Variants in DENND1A observed in about 807,000 individuals in gnomAD.
DENND1A encodes DENN domain containing 1A.
Under a neutral mutation model 113.7 loss-of-function variants are expected in DENND1A, and 51 were observed. That is an observed-to-expected ratio of 0.45 (90% CI 0.36 to 0.57). The LOEUF (loss-of-function observed/expected upper bound fraction) is 0.57. DENND1A is among the 20% of genes least tolerant of loss of function. DENND1A has a pLI of 0.00. For missense variants in DENND1A, 1,258 were observed against 1,395.9 expected, an observed-to-expected ratio of 0.90 and a Z score of 1.57; for synonymous variants, 565 against 570.8, an observed-to-expected ratio of 0.99 and a Z score of 0.14.
At chr9:123,435,537 G>T (rs936594269) in intron 19 of DENND1A, among the ~76,000 whole-genome samples, 1 of 152,252 alleles carries the variant, frequency 6.6e-6, no homozygotes, top group East Asian at 1.9e-4. Context: ...AAGAACAGAG[G>T]CAGCACCTTT....
intron 13 of DENND1A, among the ~76,000 whole-genome samples, chr9:123,548,835 C>T (rs573385243): frequency 1.2e-4 from 18 of 152,254 alleles, no homozygotes; most frequent in Non-Finnish European, 2.2e-4. Flanking sequence ...TGAATGATTC[C>T]GCTTCTATGA....
intron 1 of DENND1A, among the ~76,000 whole-genome samples, chr9:123,917,105 A>G (rs1855295334): frequency 1.3e-5 from 2 of 152,030 alleles, no homozygotes; most frequent in African/African-American, 4.8e-5. Flanking sequence ...AATCACTCGA[A>G]CACAGGAGGC....
At chr9:123,735,831 T>C (rs906737437) in intron 5 of DENND1A, among the ~76,000 whole-genome samples, 3 of 152,088 alleles carry the variant, frequency 2.0e-5, no homozygotes, top group Non-Finnish European at 4.4e-5. Context: ...AAACCCTGTC[T>C]CTTCCAAAAA....
At chr9:123,885,345 T>C (rs897162531) in intron 1 of DENND1A, among the ~76,000 whole-genome samples, 1 of 152,218 alleles carries the variant, frequency 6.6e-6, no homozygotes, top group Admixed American at 6.5e-5. Flanking sequence ...CCCACTAGAC[T>C]GGCAGCTCCT....
chr9:123,418,066 T>C (rs1056061455), intron 19 of DENND1A, among the ~76,000 whole-genome samples: 1 of 152,130 alleles, frequency 6.6e-6, no homozygotes, highest in East Asian at 1.9e-4. Flanking sequence ...CTGAGCTCAG[T>C]GGGAGGGATA....
intron 13 of DENND1A, among the ~76,000 whole-genome samples, chr9:123,557,224 T>C (rs1255445091): frequency 6.6e-6 from 1 of 152,192 alleles, no homozygotes; most frequent in Non-Finnish European, 1.5e-5. Context: ...ATTTGTAAAG[T>C]GGAGCTGATC....
At chr9:123,798,193 A>G (rs994353319) in intron 2 of DENND1A, 25 of 152,336 alleles carry the variant, frequency 1.6e-4, no homozygotes, top group African/African-American at 6.0e-4. Flanking sequence ...ACATAGGAAC[A>G]GTTAACCATC....
In DENND1A at chr9:123,381,644, GC is replaced by G; in HGVS notation, c.3000del (p.Leu1001TrpfsTer3). 1 of 1,608,998 alleles carries G rather than the reference GC, an allele frequency of 6.2e-7. No individual in the cohort carries two copies. The highest frequency in any genetic ancestry group is 8.5e-7 in the Non-Finnish European group (1 of 1,178,042). ...GGGGGGTCTCCAGGCCTCAGGGCCA[GC>G]CCCTGCTTGGTCTCAGCAGCCCTGG... ...SSARAAETKQ[G>X]LALRPGDPPL... is the part of the protein sequence containing the mutation. On this transcript the variant is annotated frameshift_variant, in exon 24 of 24. Coordinates refer to ENST00000394215, the MANE Select transcript of DENND1A (RefSeq NM_001352964.2). LOFTEE classifies it high-confidence loss of function. This position sits in a 1 kb window ranked among gnomAD's most constrained non-coding sequence, Gnocchi z 4.7.
chr9:123,711,511 ATG>A (rs1257867372), intron 5 of DENND1A, among the ~76,000 whole-genome samples: 7 of 79,034 alleles, frequency 8.9e-5, no homozygotes, highest in East Asian at 5.0e-4. Context: ...ATATGTATAT[ATG>A]TATATATATA....
At chr9:123,805,935 T>C (rs1835471913) in intron 2 of DENND1A, among the ~76,000 whole-genome samples, 1 of 152,096 alleles carries the variant, frequency 6.6e-6, no homozygotes, top group African/African-American at 2.4e-5. Context: ...CAGTAAAAAA[T>C]ATGACATACT....
intron 2 of DENND1A, among the ~76,000 whole-genome samples, chr9:123,828,652 GA>G (rs993527380): frequency 1.3e-4 from 17 of 135,490 alleles, no homozygotes; most frequent in African/African-American, 3.3e-4. Context: ...AAAAAAAAAA[GA>G]AAAAAAAATT....
chr9:123,775,214 T>C (rs1452206608), intron 3 of DENND1A, among the ~76,000 whole-genome samples: 1 of 152,234 alleles, frequency 6.6e-6, no homozygotes, highest in Non-Finnish European at 1.5e-5. Context: ...CTTCAAATAC[T>C]GTACTTCCAA....
chr9:123,417,767 G>C (rs1301106492), intron 19 of DENND1A, among the ~76,000 whole-genome samples: 1 of 152,098 alleles, frequency 6.6e-6, no homozygotes, highest in Non-Finnish European at 1.5e-5. Flanking sequence ...TGATTCATTT[G>C]TCCATTCATT....
At chr9:123,581,792 C>T (rs2058910581) in intron 12 of DENND1A, among the ~76,000 whole-genome samples, 1 of 152,122 alleles carries the variant, frequency 6.6e-6, no homozygotes, top group East Asian at 1.9e-4. Context: ...CACCACATGG[C>T]CAGGAACAAC....
At chr9:123,538,855 T>TATAC (rs1554864506) in intron 13 of DENND1A, among the ~76,000 whole-genome samples, 2 of 101,294 alleles carry the variant, frequency 2.0e-5, no homozygotes, top group African/African-American at 7.7e-5. Flanking sequence ...TATATATATA[T>TATAC]ATATGAATTC....
intron 13 of DENND1A, among the ~76,000 whole-genome samples, chr9:123,500,352 G>C (rs2052365294): frequency 1.3e-5 from 2 of 152,174 alleles, no homozygotes; most frequent in Non-Finnish European, 1.5e-5. Context: ...GGTGGAATTA[G>C]ATTTTTCTTA....
At chr9:123,905,995 A>G (rs2133961458) in intron 1 of DENND1A, among the ~76,000 whole-genome samples, 1 of 151,996 alleles carries the variant, frequency 6.6e-6, no homozygotes, top group East Asian at 1.9e-4. Context: ...AACAGAGATT[A>G]TAACAAACTA....
chr9:123,416,858 G>A (rs2044770049), intron 19 of DENND1A, among the ~76,000 whole-genome samples: 1 of 152,222 alleles, frequency 6.6e-6, no homozygotes, highest in Non-Finnish European at 1.5e-5. Context: ...AGGACCAGGG[G>A]GATTCAGAGA....
intron 5 of DENND1A, among the ~76,000 whole-genome samples, chr9:123,731,329 C>T (rs753259914): frequency 3.3e-5 from 5 of 152,036 alleles, no homozygotes; most frequent in Non-Finnish European, 7.4e-5. Flanking sequence ...ACTGTGAAGC[C>T]ACAATCAAGA....
Sources: allele counts gnomAD v4.1 joint callset (sites outside exome capture counted in the v4.1 genomes callset), GRCh38; gene constraint gnomAD v4.1.1; non-coding constraint Gnocchi (gnomAD v3.1); transcripts MANE v1.5; gene names NCBI Gene and HGNC (gene_info 2026-07-23, HGNC 2026-07-21).